Variants in CTSC observed in about 807,000 individuals in gnomAD.
The protein encoded by CTSC is cathepsin C.
A neutral mutation model predicts 40.9 loss-of-function variants in CTSC; 37 were observed. The observed-to-expected ratio is 0.91, with a 90% CI of 0.70 to 1.19. The LOEUF (loss-of-function observed/expected upper bound fraction) is 1.19. Among genes scored for constraint, CTSC ranks in the 50% most tolerant of loss-of-function variants. CTSC has a pLI of 0.00. For synonymous variants in CTSC, 232 were observed against 207.4 expected, an observed-to-expected ratio of 1.12 and a Z score of -1.02; for missense variants, 594 against 567.3, an observed-to-expected ratio of 1.05 and a Z score of -0.48.
intron 2 of CTSC, among the ~76,000 whole-genome samples, chr11:88,331,548 A>G (rs146919147): frequency 6.6e-6 from 1 of 152,340 alleles, no homozygotes; most frequent in African/African-American, 2.4e-5. Context: ...TTCCAGCATG[A>G]TGAGTTCTTC....
At chr11:88,330,943 G>A (rs537168182) in intron 2 of CTSC, among the ~76,000 whole-genome samples, 4 of 152,316 alleles carry the variant, frequency 2.6e-5, no homozygotes, top group South Asian at 2.1e-4. Flanking sequence ...TGATTCCGAA[G>A]TGGAATGCCG....
At chr11:88,296,419 G>T in intron 5 of CTSC, 155 bp from the exon 6 acceptor site, 2 of 859,150 alleles carry the variant, frequency 2.3e-6, no homozygotes, top group Non-Finnish European at 3.7e-6. Context: ...AACAAGCATT[G>T]TTGAGCTTAT....
chr11:88,313,047 C>G (rs1164561780), intron 2 of CTSC, among the ~76,000 whole-genome samples: 1 of 152,148 alleles, frequency 6.6e-6, no homozygotes, highest in Non-Finnish European at 1.5e-5. Flanking sequence ...AAGGGCCACA[C>G]TAGGAAACTA....
chr11:88,321,950 T>C (rs1038370409), intron 2 of CTSC: 1 of 152,154 alleles, frequency 6.6e-6, no homozygotes, highest in African/African-American at 2.4e-5. Context: ...ATAATCACCA[T>C]TGTGACATGA....
At chr11:88,320,811 T>C (rs217053) in intron 2 of CTSC, 733,212 of 913,296 alleles carry the variant, frequency 0.8, 294,770 homozygotes, top group East Asian at 0.89. Context: ...TACCACATGA[T>C]ATATTACATA....
intron 2 of CTSC, among the ~76,000 whole-genome samples, chr11:88,317,329 C>T (rs1937902109): frequency 6.6e-6 from 1 of 152,154 alleles, no homozygotes; most frequent in Non-Finnish European, 1.5e-5. Context: ...ATGAGTAATC[C>T]TAAAAAACTA....
intron 2 of CTSC, chr11:88,326,116 T>C (rs952075589): frequency 7.7e-7 from 1 of 1,295,354 alleles, no homozygotes; most frequent in Non-Finnish European, 9.8e-7. Flanking sequence ...ATTAAAAAAC[T>C]GAACGGTGAA....
intron 1 of CTSC, among the ~76,000 whole-genome samples, chr11:88,335,906 A>C (rs574391505): frequency 6.6e-6 from 1 of 152,204 alleles, no homozygotes; most frequent in Non-Finnish European, 1.5e-5. Flanking sequence ...AAGGCTCTAC[A>C]GTTTAGAACC....
chr11:88,331,165 A>G (rs1026027524), intron 2 of CTSC, among the ~76,000 whole-genome samples: 1 of 152,204 alleles, frequency 6.6e-6, no homozygotes, highest in Admixed American at 6.5e-5. Flanking sequence ...CAAGCAATCA[A>G]TTCTGCAGCA....
chr11:88,324,748 C>G, intron 2 of CTSC: 1 of 985,336 alleles, frequency 1.0e-6, no homozygotes. Context: ...TGATGTTTCT[C>G]ACGGTAATAG....
chr11:88,318,937 A>C lies in CTSC; in HGVS notation c.319-6383T>G, dbSNP rs568988067. On this transcript the variant is annotated intron_variant, in intron 2 of 6. Transcript: ENST00000227266. ...AATAAATAAATAAATAAATAAACTA[A>C]TTAAATTGAAAACTTCCACTATTAT... 3.3e-5 allele frequency among the ~76,000 whole-genome samples: 5 copies of C among 152,226 alleles called. No individual in the cohort carries two copies. In the East Asian group the frequency reaches 5.8e-4, roughly 18 times the overall value.
intron 5 of CTSC, chr11:88,298,359 A>T (rs956552909): frequency 6.6e-6 from 1 of 152,212 alleles, no homozygotes; most frequent in African/African-American, 2.4e-5. Context: ...CAAAGTATTA[A>T]TAAATCTAGG....
chr11:88,315,613 G>A (rs1034870507), intron 2 of CTSC, among the ~76,000 whole-genome samples: 1 of 151,974 alleles, frequency 6.6e-6, no homozygotes, highest in African/African-American at 2.4e-5. Flanking sequence ...TATAAATATT[G>A]TACAGATTAC....
At chr11:88,337,043 A>C (rs906321968) in intron 1 of CTSC, among the ~76,000 whole-genome samples, 2 of 69,564 alleles carry the variant, frequency 2.9e-5, no homozygotes, top group Non-Finnish European at 4.7e-5. Flanking sequence ...CGCTGGGCAG[A>C]AAGTCCCTTT....
At chr11:88,334,864 G>T in intron 2 of CTSC, 73 bp downstream of exon 2, 1 of 1,084,526 alleles carries the variant, frequency 9.2e-7, no homozygotes, top group East Asian at 2.4e-5. Context: ...AAAATTCTGA[G>T]GGTCTACTAA....
Position 88,294,378 on chromosome 11 carries a change from A to G in CTSC, c.1020T>C (p.Tyr340=), listed in dbSNP as rs1411824381. 2.5e-6 allele frequency: 4 copies of G among 1,614,052 alleles called. No homozygotes were observed. The highest frequency in any genetic ancestry group is 1.3e-5 in the African/African-American group (1 of 74,932). ...PCKMKEDCFR[Y]YSSEYHYVGG... The stretch of plus-strand genomic sequence containing the variant: ...CTACATAGTGGTACTCAGAGGAGTA[A>G]TAACGAAAGCAGTCTTCCTTCATTT... Residue 340 remains tyrosine, a synonymous_variant, in exon 7 of 7, where the codon TAT becomes TAC. Coordinates refer to ENST00000227266, the MANE Select transcript of CTSC (RefSeq NM_001814.6).
At position 88,337,019 on chromosome 11, in the gene CTSC, G is replaced by T. The variant is rs1261258639; in HGVS notation, c.172+482C>A. Among the ~76,000 whole-genome samples the T allele has an allele frequency of 2.0e-5, 3 of 148,686 alleles. No individual in the cohort carries two copies. The Admixed American group carries it at 2.0e-4, about 10-fold the overall frequency. On this transcript the variant is annotated intron_variant, in intron 1 of 6. Coordinates refer to ENST00000227266, the MANE Select transcript of CTSC (RefSeq NM_001814.6). Reference sequence around the variant, plus strand: ...CGTTTTCTAGTACTCATCAACACCCGCTCAAACCAAAATCGCTGGGCAGAA... The same window carrying T: ...CGTTTTCTAGTACTCATCAACACCCTCTCAAACCAAAATCGCTGGGCAGAA...
intron 2 of CTSC, chr11:88,320,989 T>G (rs1364873635): frequency 7.1e-6 from 7 of 985,298 alleles, no homozygotes; most frequent in Non-Finnish European, 7.2e-6. Flanking sequence ...TACTAAGCCT[T>G]ATTATATTCA....
intron 2 of CTSC, among the ~76,000 whole-genome samples, chr11:88,315,137 C>A (rs551714466): frequency 6.6e-6 from 1 of 152,280 alleles, no homozygotes; most frequent in African/African-American, 2.4e-5. Context: ...TTCTCTCTGG[C>A]ACTGGCTCTT....
Sources: gnomAD v4.1 joint callset for allele counts (sites outside exome capture counted in the v4.1 genomes callset) on GRCh38, gnomAD v4.1.1 for gene constraint, MANE v1.5 for transcripts, NCBI Gene and HGNC (gene_info 2026-07-23, HGNC 2026-07-21) for gene names.